DLG2: variants seen among roughly 807,000 people sequenced by gnomAD.
The protein encoded by DLG2 is discs large MAGUK scaffold protein 2.
A neutral mutation model predicts 132.5 loss-of-function variants in DLG2; 45 were observed. The observed-to-expected ratio is 0.34, with a 90% CI of 0.27 to 0.44. DLG2 has a LOEUF of 0.44. Among genes scored for constraint, DLG2 ranks in the 20% least tolerant of loss-of-function variants. The pLI is 1.00. For synonymous variants in DLG2, 424 were observed against 419.6 expected, an observed-to-expected ratio of 1.01 and a Z score of -0.13; for missense variants, 1,045 against 1,196.9, an observed-to-expected ratio of 0.87 and a Z score of 1.87.
At chr11:84,200,552 A>C (rs2096578621) in intron 8 of DLG2, among the ~76,000 whole-genome samples, 1 of 152,166 alleles carries the variant, frequency 6.6e-6, no homozygotes, top group Non-Finnish European at 1.5e-5. Flanking sequence ...GGCCATTTTC[A>C]CGATATTGAT....
In DLG2 at chr11:85,242,560, T is replaced by C. The variant is rs952589523; in HGVS notation, c.186+42660A>G. Among the ~76,000 whole-genome samples the C allele has an allele frequency of 2.0e-5, 3 of 151,816 alleles. No homozygotes were observed. The South Asian group carries it at 6.2e-4, about 31-fold the overall frequency. ...ACCTCAATTTCTATTCTCTATCTCT[T>C]TTCTGCTTCCTCCTGGAGGAATTTC... On this transcript the variant is annotated intron_variant, in intron 4 of 27. Transcript: ENST00000376104.
At chr11:85,608,928 A>C (rs1380699638) in intron 2 of DLG2, among the ~76,000 whole-genome samples, 1 of 152,160 alleles carries the variant, frequency 6.6e-6, no homozygotes, top group Non-Finnish European at 1.5e-5. Flanking sequence ...GAGAGTTTGG[A>C]GATACCTGGT....
At chr11:84,381,333 T>C (rs11820830) in intron 7 of DLG2, among the ~76,000 whole-genome samples, 10,861 of 152,084 alleles carry the variant, frequency 0.071, 1,255 homozygotes, top group African/African-American at 0.24. Context: ...TAAACATTTC[T>C]GTAGAATGAG....
intron 3 of DLG2, among the ~76,000 whole-genome samples, chr11:85,348,831 C>T (rs1464448169): frequency 6.6e-6 from 1 of 152,088 alleles, no homozygotes; most frequent in Non-Finnish European, 1.5e-5. Flanking sequence ...CATCTCCATC[C>T]CCATTAGTAT....
intron 9 of DLG2, among the ~76,000 whole-genome samples, chr11:84,154,970 C>A (rs4575297): frequency 0.8 from 122,008 of 152,064 alleles, 49,238 homozygotes; most frequent in Middle Eastern, 0.87. Flanking sequence ...CATCAGAGTG[C>A]ACAGGCAACC....
At chr11:85,531,113 G>A (rs1416126314) in intron 3 of DLG2, among the ~76,000 whole-genome samples, 1 of 152,044 alleles carries the variant, frequency 6.6e-6, no homozygotes. Flanking sequence ...TTCCTTACTG[G>A]TCATTAAAAG....
intron 8 of DLG2, among the ~76,000 whole-genome samples, chr11:84,182,507 C>G (rs1357858658): frequency 6.7e-6 from 1 of 148,542 alleles, no homozygotes; most frequent in Non-Finnish European, 1.5e-5. Context: ...CAAGCCTGGG[C>G]AACAAAGTGA....
chr11:84,678,170 T>C (rs1269448680), intron 6 of DLG2, among the ~76,000 whole-genome samples: 1 of 152,066 alleles, frequency 6.6e-6, no homozygotes, highest in Non-Finnish European at 1.5e-5. Context: ...AACCTAGGCC[T>C]CCATAGCTGC....
intron 17 of DLG2, among the ~76,000 whole-genome samples, chr11:83,820,489 T>C (rs1015995424): frequency 6.6e-6 from 1 of 152,202 alleles, no homozygotes; most frequent in South Asian, 2.1e-4. Flanking sequence ...AGAATGACGA[T>C]ACCTAAGCAT....
chr11:83,768,845 G>T (rs2094257328), intron 18 of DLG2, among the ~76,000 whole-genome samples: 1 of 152,208 alleles, frequency 6.6e-6, no homozygotes, highest in South Asian at 2.1e-4. Flanking sequence ...TGGCAGTTAA[G>T]ATCTGGCTGT....
intron 8 of DLG2, among the ~76,000 whole-genome samples, chr11:84,188,445 T>C (rs2096328631): frequency 1.3e-5 from 2 of 152,108 alleles, no homozygotes; most frequent in Middle Eastern, 3.2e-3. Context: ...ATGAAGAAAC[T>C]GAGGCTTAGA....
intron 6 of DLG2, among the ~76,000 whole-genome samples, chr11:84,662,789 A>AAAAAC (rs2099695921): frequency 2.0e-5 from 3 of 148,648 alleles, no homozygotes; most frequent in Admixed American, 2.0e-4. Context: ...TCTGTCACAA[A>AAAAAC]AAAAAAAAAA....
intron 17 of DLG2, among the ~76,000 whole-genome samples, chr11:83,830,816 C>G (rs2153998063): frequency 6.6e-6 from 1 of 152,294 alleles, no homozygotes; most frequent in South Asian, 2.1e-4. Flanking sequence ...TAATAATAAC[C>G]TATCCTGCCA....
chr11:84,711,031 T>G (rs12803726), intron 6 of DLG2, among the ~76,000 whole-genome samples: 23,777 of 124,690 alleles, frequency 0.19, 2,449 homozygotes, highest in Non-Finnish European at 0.26. Flanking sequence ...TATATATATA[T>G]AGAGCTGAAA....
At chr11:84,789,710 T>TC in intron 6 of DLG2, among the ~76,000 whole-genome samples, 2 of 152,158 alleles carry the variant, frequency 1.3e-5, no homozygotes, top group East Asian at 3.9e-4. Flanking sequence ...CATCTCTACA[T>TC]CCCCCCATTA....
intron 6 of DLG2, among the ~76,000 whole-genome samples, chr11:84,858,166 TACA>T (rs2083049915): frequency 3.3e-5 from 5 of 152,130 alleles, no homozygotes; most frequent in African/African-American, 1.2e-4. Context: ...GTGCTGGGAT[TACA>T]GGCGTGAGCC....
chr11:83,636,392 A>G (rs577579999), intron 18 of DLG2, among the ~76,000 whole-genome samples: 6 of 152,300 alleles, frequency 3.9e-5, no homozygotes, highest in African/African-American at 1.4e-4. Flanking sequence ...TAGAATACCT[A>G]GATGAATTCA....
At chr11:85,030,550 G>A (rs1042270921) in intron 6 of DLG2, among the ~76,000 whole-genome samples, 1 of 152,032 alleles carries the variant, frequency 6.6e-6, no homozygotes, top group African/African-American at 2.4e-5. Flanking sequence ...TTTAAAAGTT[G>A]TACTGTTATT....
At chr11:83,483,935 CT>C (rs1258787071) in intron 22 of DLG2, among the ~76,000 whole-genome samples, 193 bp downstream of exon 22, 2 of 152,088 alleles carry the variant, frequency 1.3e-5, no homozygotes, top group East Asian at 3.9e-4. Flanking sequence ...CCAATGCCTT[CT>C]GCAAAGAAGA....
Sources: gnomAD v4.1 joint callset for allele counts (sites outside exome capture counted in the v4.1 genomes callset) on GRCh38, gnomAD v4.1.1 for gene constraint, MANE v1.5 for transcripts, NCBI Gene and HGNC (gene_info 2026-07-23, HGNC 2026-07-21) for gene names.